RAB32: variants seen among roughly 807,000 people sequenced by gnomAD.
The protein encoded by RAB32 is ras-related protein Rab-32.
In RAB32, 17 loss-of-function variants were observed where a neutral mutation model predicts 17.5. That is an observed-to-expected ratio of 0.97 (90% confidence interval 0.67 to 1.46). The LOEUF (loss-of-function observed/expected upper bound fraction) is 1.46. Among genes scored for constraint, RAB32 ranks in the 40% most tolerant of loss-of-function variants. RAB32 has a pLI of 0.00. For missense variants in RAB32, 288 were observed against 284.3 expected (o/e 1.01, Z -0.09); for synonymous variants, 115 against 111.1 (o/e 1.04, Z -0.22).
At chr6:146,549,938 A>G (rs1779875517) in intron 2 of RAB32, among the ~76,000 whole-genome samples, 197 bp downstream of exon 2, 1 of 152,240 alleles carries the variant, frequency 6.6e-6, no homozygotes, top group Admixed American at 6.5e-5. Flanking sequence ...ATAGAAGGGC[A>G]GATTTTCCAT....
chr6:146,544,273 C>T lies in RAB32; in HGVS notation c.250+152C>T, dbSNP rs1779792509. 10 of 1,115,612 alleles carry T rather than the reference C, an allele frequency of 9.0e-6. No homozygotes were observed. In the South Asian group the frequency reaches 1.2e-4, roughly 14 times the overall value. The allele number at this position is 1,115,612 out of a possible 1,614,324, so 69.1% of individuals were successfully genotyped here. A position where few individuals can be genotyped will look rare whatever the true frequency, so the allele number is the denominator to read the frequency against. On this transcript the variant is annotated intron_variant, in intron 1 of 2. Coordinates refer to ENST00000367495, the MANE Select transcript of RAB32 (RefSeq NM_006834.5). ...CAATCCAAGGGCGAGATGCGATGGA[C>T]GCGGTCGGCTGGACTCGGTGGGGCC...
intron 1 of RAB32, among the ~76,000 whole-genome samples, chr6:146,547,499 T>G (rs367886494): frequency 6.6e-6 from 1 of 152,072 alleles, no homozygotes; most frequent in East Asian, 1.9e-4. Context: ...AAGCATAAAA[T>G]GTGTGCTTGG....
At chr6:146,549,929 T>C (rs1554328823) in intron 2 of RAB32, among the ~76,000 whole-genome samples, 188 bp downstream of exon 2, 1 of 152,220 alleles carries the variant, frequency 6.6e-6, no homozygotes, top group East Asian at 1.9e-4. Context: ...TAATGGCTAA[T>C]AGAAGGGCAG....
rs762103250 is a variant in RAB32, at chr6:146,554,519, AG to A, written c.593del (p.Ser198ThrfsTer14). 6.2e-7 allele frequency: 1 copy of A among 1,613,950 alleles called. No homozygotes were observed. The highest frequency in any genetic ancestry group is 1.1e-5 in the South Asian group (1 of 91,062). ...GGAGAAGATTCTTGTAAACCACCAA[AG>A]CTTTCCTAATGAAGAAAACGATGTG... ...LVEKILVNHQ[S>X]FPNEENDVDK... On this transcript the variant is annotated frameshift_variant, in exon 3 of 3. Coordinates refer to ENST00000367495, the MANE Select transcript of RAB32 (RefSeq NM_006834.5). LOFTEE classifies it low-confidence loss of function (END_TRUNC).
chr6:146,548,366 A>C (rs1017630105), intron 1 of RAB32, among the ~76,000 whole-genome samples: 1 of 152,224 alleles, frequency 6.6e-6, no homozygotes, highest in Admixed American at 6.5e-5. Context: ...AGAAGGAAGA[A>C]TTTTATATTT....
At position 146,554,918 on chromosome 6, in the gene RAB32, T is replaced by G. The variant is rs1779940144; in HGVS notation, c.*313T>G. ...AAGGCTTCCAAGTTGTAGCTTTTAG[T>G]GTAAGTGCTGGGGTGGTAATAAAAT... On this transcript the variant is annotated 3_prime_UTR_variant, in exon 3 of 3. Coordinates refer to ENST00000367495, the MANE Select transcript of RAB32 (RefSeq NM_006834.5). The G allele has an allele frequency of 4.8e-6, 1 of 206,920 alleles. No homozygotes were observed. The highest frequency in any genetic ancestry group is 2.3e-5 in the African/African-American group (1 of 43,390). 12.8% of individuals were successfully genotyped at this position (206,920 alleles called of 1,614,324 possible).
chr6:146,550,757 A>C (rs1779887426), intron 2 of RAB32, among the ~76,000 whole-genome samples: 1 of 151,546 alleles, frequency 6.6e-6, no homozygotes, highest in Non-Finnish European at 1.5e-5. Flanking sequence ...GAACTTTCAC[A>C]TAAGGGGGTT....
intron 1 of RAB32, among the ~76,000 whole-genome samples, chr6:146,546,161 G>A (rs1779816350): frequency 6.6e-6 from 1 of 152,056 alleles, no homozygotes; most frequent in Non-Finnish European, 1.5e-5. Flanking sequence ...TGCCTAGATG[G>A]GATATCCTTG....
intron 1 of RAB32, 32 bp downstream of exon 1, chr6:146,544,153 G>A: frequency 1.9e-6 from 3 of 1,575,334 alleles, no homozygotes; most frequent in Non-Finnish European, 2.6e-6. Context: ...CCACTCCAGA[G>A]CCCCGCCGGG....
At chr6:146,550,960 C>T (rs1228643936) in intron 2 of RAB32, among the ~76,000 whole-genome samples, 1 of 152,044 alleles carries the variant, frequency 6.6e-6, no homozygotes, top group Non-Finnish European at 1.5e-5. Flanking sequence ...CCAAATCACC[C>T]ACCTCATTCT....
Position 146,554,774 on chromosome 6 carries a change from G to A in RAB32, c.*169G>A. On this transcript the variant is annotated 3_prime_UTR_variant, in exon 3 of 3. Transcript: ENST00000367495. ...ATGGAACTTTGGGAGAAGTATCCCTGCTAGTGGCTCTGTAACTTAACAGAT... is the reference window on the plus strand; with the variant it reads ...ATGGAACTTTGGGAGAAGTATCCCTACTAGTGGCTCTGTAACTTAACAGAT... 3.5e-6 allele frequency: 2 copies of A among 575,940 alleles called. No individual in the cohort carries two copies. Among genetic ancestry groups the A allele is most frequent in the Non-Finnish European group, 2.9e-6 (1 of 341,900 alleles). 35.7% of individuals were successfully genotyped at this position (575,940 alleles called of 1,614,324 possible).
At position 146,548,812 on chromosome 6, in the gene RAB32, T is replaced by A. The variant is rs142086323; in HGVS notation, c.251-652T>A. On this transcript the variant is annotated intron_variant, in intron 1 of 2. Coordinates refer to ENST00000367495, the MANE Select transcript of RAB32 (RefSeq NM_006834.5). ...CAGATTTTTCCCAAAGTGTTTGACA[T>A]AAATTATTTTAAAAGTACAATGACA... 3.8e-3 allele frequency among the ~76,000 whole-genome samples: 586 copies of A among 152,338 alleles called. 5 individuals carry two copies. The highest frequency in any genetic ancestry group is 0.012 in the African/African-American group (487 of 41,586).
intron 2 of RAB32, among the ~76,000 whole-genome samples, chr6:146,553,283 G>T (rs1290114824): frequency 6.6e-6 from 1 of 152,156 alleles, no homozygotes; most frequent in African/African-American, 2.4e-5. Context: ...GGGGAAAAGT[G>T]CGGTGAGAAA....
chr6:146,546,782 GTTTTTTT>G (rs962778741), intron 1 of RAB32, among the ~76,000 whole-genome samples: 3 of 118,518 alleles, frequency 2.5e-5, no homozygotes, highest in Non-Finnish European at 5.1e-5. Flanking sequence ...TACTAGTTAG[GTTTTTTT>G]TTTTTTTTTT....
intron 1 of RAB32, among the ~76,000 whole-genome samples, chr6:146,545,081 AATACATACATACATAT>A (rs1429784089): frequency 1.2e-3 from 178 of 152,080 alleles, no homozygotes; most frequent in African/African-American, 4.0e-3. Flanking sequence ...GTCTCTACAA[AATACATACATACATAT>A]ATACATACAT....
In RAB32 at chr6:146,544,053, A is replaced by G. The variant is rs759283816; in HGVS notation, c.182A>G (p.Asp61Gly). Residue 61 changes from aspartate (D) to glycine (G), a missense_variant, in exon 1 of 3, where the codon GAC becomes GGC. Transcript: ENST00000367495. ...SQHYRATIGV[D>G]FALKVLNWDS... ...CACTACCGGGCCACCATCGGGGTGGACTTCGCCCTCAAGGTCCTCAACTGG... is the reference window on the plus strand; with the variant it reads ...CACTACCGGGCCACCATCGGGGTGGGCTTCGCCCTCAAGGTCCTCAACTGG... The G allele has an allele frequency of 1.2e-6, 2 of 1,613,696 alleles. No individual in the cohort carries two copies. Among genetic ancestry groups the G allele is most frequent in the African/African-American group, 2.7e-5 (2 of 74,908 alleles).
chr6:146,553,057 CT>C (rs1328042872), intron 2 of RAB32, among the ~76,000 whole-genome samples: 1 of 152,086 alleles, frequency 6.6e-6, no homozygotes, highest in Non-Finnish European at 1.5e-5. Context: ...GAACCTCTTT[CT>C]TTTTTTATTT....
At chr6:146,554,189 G>A (rs1328142492) in intron 2 of RAB32, among the ~76,000 whole-genome samples, 1 of 151,920 alleles carries the variant, frequency 6.6e-6, no homozygotes, top group African/African-American at 2.4e-5. Context: ...TTCAACCGTC[G>A]AGATAGCTCA....
chr6:146,553,995 G>A (rs1779927901), intron 2 of RAB32, among the ~76,000 whole-genome samples: 1 of 152,058 alleles, frequency 6.6e-6, no homozygotes, highest in Non-Finnish European at 1.5e-5. Flanking sequence ...CAACTAAAAG[G>A]AATAATTGGT....
Sources: gnomAD v4.1 joint callset for allele counts (sites outside exome capture counted in the v4.1 genomes callset) on GRCh38, gnomAD v4.1.1 for gene constraint, MANE v1.5 for transcripts, NCBI Gene and HGNC (gene_info 2026-07-23, HGNC 2026-07-21) for gene names.